LHFPL6: variants seen among roughly 807,000 people sequenced by gnomAD.
LHFPL6 encodes the protein LHFPL tetraspan subfamily member 6.
In LHFPL6, 9 loss-of-function variants were observed where a neutral mutation model predicts 20.6. The ratio of observed to expected loss-of-function variants is 0.44; its 90% CI spans 0.26 to 0.76. LHFPL6 has a LOEUF of 0.76. Among genes scored for constraint, LHFPL6 ranks in the 30% least tolerant of loss-of-function variants. The probability of loss-of-function intolerance (pLI) is 0.20; values close to 1 mark genes in which losing one functional copy is unlikely to be tolerated. For missense variants in LHFPL6, 218 were observed against 253.5 expected (o/e 0.86, Z 0.95); for synonymous variants, 105 against 98.7 (o/e 1.06, Z -0.38).
intron 2 of LHFPL6, among the ~76,000 whole-genome samples, chr13:39,462,347 A>T (rs1872708303): frequency 6.6e-6 from 1 of 152,180 alleles, no homozygotes; most frequent in African/African-American, 2.4e-5. Flanking sequence ...TTGATAGACT[A>T]CAGTTAGTTA....
At chr13:39,541,332 C>CA (rs1416537230) in intron 2 of LHFPL6, among the ~76,000 whole-genome samples, 2 of 152,004 alleles carry the variant, frequency 1.3e-5, no homozygotes, top group Admixed American at 6.5e-5. Context: ...AAAATTCAGG[C>CA]AAAAAAATAA....
At chr13:39,387,265 T>A (rs2138367292) in intron 2 of LHFPL6, among the ~76,000 whole-genome samples, 2 of 152,232 alleles carry the variant, frequency 1.3e-5, no homozygotes, top group South Asian at 4.1e-4. Context: ...ATAGAATATA[T>A]CAGCTGGGCA....
chr13:39,349,540 G>A (rs2138335383), intron 3 of LHFPL6, among the ~76,000 whole-genome samples: 1 of 152,296 alleles, frequency 6.6e-6, no homozygotes, highest in South Asian at 2.1e-4. Flanking sequence ...GGTACTGGGA[G>A]CTTTGTTGGG....
intron 2 of LHFPL6, among the ~76,000 whole-genome samples, chr13:39,388,594 TG>T (rs1870626140): frequency 6.6e-6 from 1 of 152,096 alleles, no homozygotes; most frequent in South Asian, 2.1e-4. Context: ...ATCTGTAAAA[TG>T]GGGGAAAATT....
At chr13:39,597,652 T>C (rs1212160666) in intron 2 of LHFPL6, among the ~76,000 whole-genome samples, 3 of 152,200 alleles carry the variant, frequency 2.0e-5, no homozygotes, top group Non-Finnish European at 2.9e-5. Flanking sequence ...TAAACATACC[T>C]TATAATATGA....
At chr13:39,368,425 T>A (rs1171980550) in intron 3 of LHFPL6, among the ~76,000 whole-genome samples, 4 of 151,878 alleles carry the variant, frequency 2.6e-5, no homozygotes, top group African/African-American at 9.7e-5. Context: ...CTATTAAAAA[T>A]ACAAAAATTA....
chr13:39,374,192 C>A (rs1036260488), intron 3 of LHFPL6, among the ~76,000 whole-genome samples: 1 of 152,006 alleles, frequency 6.6e-6, no homozygotes, highest in Non-Finnish European at 1.5e-5. Context: ...TACTACACAG[C>A]CATAAAAAGG....
intron 2 of LHFPL6, among the ~76,000 whole-genome samples, chr13:39,519,081 C>A (rs938823482): frequency 1.5e-4 from 23 of 151,978 alleles, no homozygotes; most frequent in Admixed American, 2.6e-4. Context: ...ACTAAAAATA[C>A]AAAAATTAGC....
At chr13:39,370,673 T>C (rs1359983784) in intron 3 of LHFPL6, among the ~76,000 whole-genome samples, 1 of 152,206 alleles carries the variant, frequency 6.6e-6, no homozygotes, top group Non-Finnish European at 1.5e-5. Context: ...AGGAGAACCC[T>C]GCTCTGGCAC....
chr13:39,445,676 C>T (rs1448887086), intron 2 of LHFPL6, among the ~76,000 whole-genome samples: 2 of 152,020 alleles, frequency 1.3e-5, no homozygotes, highest in Non-Finnish European at 2.9e-5. Flanking sequence ...TTCAGTTGTC[C>T]ATTAACTACA....
chr13:39,491,761 G>A (rs753481249), intron 2 of LHFPL6, among the ~76,000 whole-genome samples: 3 of 152,166 alleles, frequency 2.0e-5, no homozygotes, highest in Non-Finnish European at 4.4e-5. Flanking sequence ...AGCACTTGAA[G>A]TATGGCTAGT....
At chr13:39,435,062 CAAAAAA>C (rs55701240) in intron 2 of LHFPL6, among the ~76,000 whole-genome samples, 4 of 53,358 alleles carry the variant, frequency 7.5e-5, no homozygotes, top group Admixed American at 3.2e-4. Context: ...GACTCCGTCT[CAAAAAA>C]AAAAAAAAAA....
At chr13:39,557,614 A>G (rs1871345039) in intron 2 of LHFPL6, among the ~76,000 whole-genome samples, 2 of 152,224 alleles carry the variant, frequency 1.3e-5, no homozygotes, top group African/African-American at 4.8e-5. Flanking sequence ...GTGTTTTACA[A>G]CGTGAGAAGG....
At chr13:39,432,488 G>T (rs186429869) in intron 2 of LHFPL6, among the ~76,000 whole-genome samples, 147 of 151,876 alleles carry the variant, frequency 9.7e-4, no homozygotes, top group African/African-American at 3.3e-3. Flanking sequence ...TCCTCTGCAG[G>T]GTTCAACCTC....
intron 2 of LHFPL6, among the ~76,000 whole-genome samples, chr13:39,568,881 G>A (rs1041079415): frequency 2.6e-5 from 4 of 152,110 alleles, no homozygotes; most frequent in African/African-American, 7.2e-5. Context: ...TTCAGGATTC[G>A]ACAAACACAG....
intron 2 of LHFPL6, among the ~76,000 whole-genome samples, chr13:39,554,912 A>T (rs1295700563): frequency 6.6e-6 from 1 of 152,200 alleles, no homozygotes; most frequent in Non-Finnish European, 1.5e-5. Flanking sequence ...CATCCCTCAT[A>T]CAACAGTACA....
At chr13:39,369,613 C>CCTTCCTTCCTTCCTTCCTT (rs1566095707) in intron 3 of LHFPL6, among the ~76,000 whole-genome samples, 2 of 6,172 alleles carry the variant, frequency 3.2e-4, no homozygotes, top group African/African-American at 5.3e-4. Context: ...CTCTCTCCCT[C>CCTTCCTTCCTTCCTTCCTT]CCTTCCTTCC....
intron 2 of LHFPL6, among the ~76,000 whole-genome samples, chr13:39,432,397 A>C (rs1169876368): frequency 6.6e-6 from 1 of 151,924 alleles, no homozygotes; most frequent in Non-Finnish European, 1.5e-5. Context: ...CTCTGACCTC[A>C]CATTCTACAC....
At chr13:39,578,060 C>T (rs1183836657) in intron 2 of LHFPL6, among the ~76,000 whole-genome samples, 1 of 152,222 alleles carries the variant, frequency 6.6e-6, no homozygotes, top group Non-Finnish European at 1.5e-5. Flanking sequence ...CGTTATCCAT[C>T]AACCAAGACT....
Sources: gnomAD v4.1 joint callset for allele counts (sites outside exome capture counted in the v4.1 genomes callset) on GRCh38, gnomAD v4.1.1 for gene constraint, MANE v1.5 for transcripts, NCBI Gene and HGNC (gene_info 2026-07-23, HGNC 2026-07-21) for gene names.